PRDM16: variants seen among roughly 807,000 people sequenced by gnomAD.
PRDM16 encodes the protein histone-lysine N-methyltransferase PRDM16.
Under a neutral mutation model 110.6 loss-of-function variants are expected in PRDM16, and 23 were observed. The observed-to-expected ratio is 0.21, with a 90% CI of 0.15 to 0.29. PRDM16 has a LOEUF of 0.29. Ranked by LOEUF, PRDM16 falls within the 10% of genes least tolerant of loss-of-function variation. The pLI is 1.00. For synonymous variants in PRDM16, 799 were observed against 781.8 expected (o/e 1.02, Z -0.37); for missense variants, 1,615 against 1,794.3 (o/e 0.90, Z 1.81).
intron 3 of PRDM16, among the ~76,000 whole-genome samples, chr1:3,340,332 C>G (rs764271656): frequency 5.9e-5 from 9 of 152,116 alleles, no homozygotes; most frequent in Non-Finnish European, 1.3e-4. Context: ...CCCTTCACCC[C>G]GTTCCTGAAA....
At chr1:3,398,418 A>C (rs1373509523) in intron 5 of PRDM16, among the ~76,000 whole-genome samples, 1 of 152,060 alleles carries the variant, frequency 6.6e-6, no homozygotes, top group Admixed American at 6.6e-5. Context: ...CGCCTCCCCC[A>C]CCAGTTAAAC....
At chr1:3,254,429 A>G (rs1360353277) in intron 3 of PRDM16, among the ~76,000 whole-genome samples, 1 of 152,142 alleles carries the variant, frequency 6.6e-6, no homozygotes, top group Non-Finnish European at 1.5e-5. Context: ...TCAGCCCAAA[A>G]TCTCCTTAAG....
rs1642224496 is a variant in PRDM16, at chr1:3,339,335, G to A, written c.439-45817G>A. Among the ~76,000 whole-genome samples the A allele has an allele frequency of 6.6e-6, 1 of 152,120 alleles. No homozygotes were observed. The highest frequency in any genetic ancestry group is 1.5e-5 in the Non-Finnish European group (1 of 68,008). On this transcript the variant is annotated intron_variant, in intron 3 of 16. Coordinates refer to ENST00000270722, the MANE Select transcript of PRDM16 (RefSeq NM_022114.4). This position sits in a 1 kb window ranked among gnomAD's most constrained non-coding sequence, Gnocchi z 5.0. The stretch of plus-strand genomic sequence containing the variant: ...CCTTGCCCAGGGTGAGGCACAGGGT[G>A]GGCCTCCGCGCATCCGTGCCCGGAA...
intron 3 of PRDM16, among the ~76,000 whole-genome samples, chr1:3,262,804 C>T (rs112492876): frequency 8.6e-4 from 131 of 152,080 alleles, no homozygotes; most frequent in Admixed American, 2.2e-3. Flanking sequence ...GGTGCTGCCA[C>T]GATGGTGCTG....
intron 12 of PRDM16, among the ~76,000 whole-genome samples, chr1:3,423,488 C>T (rs1400042016): frequency 6.6e-6 from 1 of 152,138 alleles, no homozygotes; most frequent in Non-Finnish European, 1.5e-5. Flanking sequence ...CAGGGCAGCA[C>T]CGTGCCGAGA....
intron 3 of PRDM16, among the ~76,000 whole-genome samples, chr1:3,248,902 G>A (rs1040141270): frequency 5.9e-5 from 9 of 152,350 alleles, no homozygotes; most frequent in South Asian, 4.1e-4. Context: ...CCCTCCCGTG[G>A]GGACTGGGGG....
intron 3 of PRDM16, among the ~76,000 whole-genome samples, chr1:3,285,018 C>A (rs1327414004): frequency 1.3e-5 from 2 of 152,190 alleles, no homozygotes; most frequent in Non-Finnish European, 2.9e-5. Context: ...CCGGTATAGC[C>A]CTTGAGCATG....
intron 1 of PRDM16, among the ~76,000 whole-genome samples, chr1:3,145,314 C>T (rs77905595): frequency 0.011 from 1,670 of 152,300 alleles, 8 homozygotes; most frequent in Non-Finnish European, 0.015. Flanking sequence ...CCATGGGATA[C>T]GGGGTGGCTC....
At chr1:3,393,607 C>A (rs1039794695) in intron 4 of PRDM16, among the ~76,000 whole-genome samples, 1 of 152,188 alleles carries the variant, frequency 6.6e-6, no homozygotes, top group South Asian at 2.1e-4. Flanking sequence ...GTTCCCACCG[C>A]GGCCGGCCCG....
In PRDM16 at chr1:3,265,668, C is replaced by A. The variant is rs2500249; in HGVS notation, c.438+21531C>A. On this transcript the variant is annotated intron_variant, in intron 3 of 16. Coordinates refer to ENST00000270722, the MANE Select transcript of PRDM16 (RefSeq NM_022114.4). This position sits in a 1 kb window ranked among gnomAD's most constrained non-coding sequence, Gnocchi z 4.5. Reference sequence around the variant, plus strand: ...TTGCAGCCAAGGCCAGCCCTCTTGCCCCGGGGCTGCCTGGGTTTGTCCTGG... The same window carrying A: ...TTGCAGCCAAGGCCAGCCCTCTTGCACCGGGGCTGCCTGGGTTTGTCCTGG... Among the ~76,000 whole-genome samples, 31,002 of 151,772 alleles carry A rather than the reference C, an allele frequency of 0.2. 4,094 individuals are homozygous for A. The highest frequency in any genetic ancestry group is 0.35 in the African/African-American group (14,380 of 41,310).
At chr1:3,256,218 A>G (rs888046757) in intron 3 of PRDM16, among the ~76,000 whole-genome samples, 3 of 152,184 alleles carry the variant, frequency 2.0e-5, no homozygotes, top group Non-Finnish European at 4.4e-5. Context: ...ATGGCACTCC[A>G]GACAAAGCAA....
intron 1 of PRDM16, among the ~76,000 whole-genome samples, chr1:3,082,482 G>GC (rs1055911389): frequency 5.9e-5 from 9 of 152,240 alleles, no homozygotes; most frequent in African/African-American, 1.9e-4. Context: ...TTCCCAAGGA[G>GC]CCCCTGAGCT....
chr1:3,351,868 A>C (rs549631590), intron 3 of PRDM16, among the ~76,000 whole-genome samples: 1 of 147,886 alleles, frequency 6.8e-6, no homozygotes, highest in African/African-American at 2.5e-5. Flanking sequence ...TCACACACTC[A>C]CTCTGTGTCT....
chr1:3,369,165 C>T (rs1279627058), intron 3 of PRDM16, among the ~76,000 whole-genome samples: 1 of 152,162 alleles, frequency 6.6e-6, no homozygotes, highest in Non-Finnish European at 1.5e-5. Context: ...GCTGTAGGTA[C>T]AGGCTGGAAC....
chr1:3,268,102 A>C (rs980355812), intron 3 of PRDM16, among the ~76,000 whole-genome samples: 3 of 152,138 alleles, frequency 2.0e-5, no homozygotes, highest in African/African-American at 7.2e-5. Context: ...GCCCGTTTGC[A>C]CACACGTGGG....
intron 5 of PRDM16, among the ~76,000 whole-genome samples, chr1:3,400,333 C>T (rs911602397): frequency 3.3e-5 from 5 of 152,222 alleles, no homozygotes; most frequent in Non-Finnish European, 4.4e-5. Context: ...GGACCTGCCA[C>T]GTGGGGCTCC....
At chr1:3,116,701 G>A (rs1004175003) in intron 1 of PRDM16, among the ~76,000 whole-genome samples, 1 of 152,170 alleles carries the variant, frequency 6.6e-6, no homozygotes, top group Non-Finnish European at 1.5e-5. Context: ...TGGTCAGGCT[G>A]ACCTCAGAGG....
rs1638595091 is a variant in PRDM16 at position 3,426,043 on chromosome 1, C to T, written c.3110-8C>T. The stretch of plus-strand genomic sequence containing the variant: ...AGGCCGCCCCCTGATGCTCCCGCCC[C>T]TCCGCAGTGAGCCAGCACCCCGGGG... On this transcript the variant is annotated splice_region_variant and splice_polypyrimidine_tract_variant and intron_variant, in intron 13 of 16. Coordinates refer to ENST00000270722, the MANE Select transcript of PRDM16 (RefSeq NM_022114.4). 1 of 1,610,700 alleles carries T rather than the reference C, an allele frequency of 6.2e-7. No homozygotes were observed. Among genetic ancestry groups the T allele is most frequent in the South Asian group, 1.1e-5 (1 of 90,844 alleles).
chr1:3,189,485 G>T (rs1201199994), intron 2 of PRDM16, among the ~76,000 whole-genome samples: 1 of 152,170 alleles, frequency 6.6e-6, no homozygotes, highest in Non-Finnish European at 1.5e-5. Context: ...GTCAGGCCTG[G>T]GACAACCCAT....
Sources: gnomAD v4.1 joint callset for allele counts (sites outside exome capture counted in the v4.1 genomes callset) on GRCh38, gnomAD v4.1.1 for gene constraint, Gnocchi (gnomAD v3.1) non-coding constraint, MANE v1.5 for transcripts, NCBI Gene and HGNC (gene_info 2026-07-23, HGNC 2026-07-21) for gene names.